Variants in NAALADL2 observed in about 807,000 individuals in gnomAD.
NAALADL2 encodes the protein inactive N-acetylated-alpha-linked acidic dipeptidase-like protein 2.
Under a neutral mutation model 87.2 loss-of-function variants are expected in NAALADL2, and 76 were observed. The observed-to-expected ratio is 0.87, with a 90% confidence interval of 0.72 to 1.05. The LOEUF is 1.05. NAALADL2 is among the 50% of genes least tolerant of loss of function. The pLI, the probability that NAALADL2 is intolerant of heterozygous loss-of-function variation, is 0.00. For synonymous variants in NAALADL2, 354 were observed against 331.0 expected (o/e 1.07, Z -0.75); for missense variants, 1,089 against 945.8 (o/e 1.15, Z -1.99).
intron 11 of NAALADL2, among the ~76,000 whole-genome samples, chr3:175,724,620 T>G (rs1208528140): frequency 6.6e-6 from 1 of 152,136 alleles, no homozygotes. Flanking sequence ...TAAGGGTCAC[T>G]TATATTTTGA....
chr3:175,712,461 G>A (rs1487148650), intron 11 of NAALADL2, among the ~76,000 whole-genome samples: 6 of 152,158 alleles, frequency 3.9e-5, no homozygotes, highest in Admixed American at 2.0e-4. Flanking sequence ...AAAAGAACAG[G>A]TGAGGAGAGG....
At chr3:175,619,187 A>G (rs776508600) in intron 10 of NAALADL2, among the ~76,000 whole-genome samples, 7 of 151,804 alleles carry the variant, frequency 4.6e-5, no homozygotes, top group Non-Finnish European at 2.9e-5. Context: ...GAAGCTGTTG[A>G]ACCAGATTCT....
chr3:174,717,985 C>T lies in NAALADL2; in HGVS notation c.-114-19656C>T, dbSNP rs531728617. Among the ~76,000 whole-genome samples the T allele has an allele frequency of 2.0e-3, 304 of 152,058 alleles. 2 individuals carry two copies. Among genetic ancestry groups the T allele is most frequent in the Non-Finnish European group, 3.2e-3 (215 of 67,984 alleles). On this transcript the variant is annotated intron_variant, in intron 2 of 3. Coordinates refer to the NAALADL2 transcript ENST00000434257. Reference sequence around the variant, plus strand: ...CTCCTAAAAATACAAAAAAACTTGTCGGGCGTGTTGGGAGGCGCCTGTAAT... The same window carrying T: ...CTCCTAAAAATACAAAAAAACTTGTTGGGCGTGTTGGGAGGCGCCTGTAAT...
chr3:175,565,135 T>G (rs1472722464), intron 9 of NAALADL2, among the ~76,000 whole-genome samples: 1 of 152,200 alleles, frequency 6.6e-6, no homozygotes, highest in Admixed American at 6.5e-5. Context: ...GGAAAAATCT[T>G]TAGGCCAGCA....
chr3:175,665,107 A>G (rs1732774276), intron 11 of NAALADL2, among the ~76,000 whole-genome samples: 1 of 145,136 alleles, frequency 6.9e-6, no homozygotes, highest in Non-Finnish European at 1.5e-5. Context: ...ACACCTGCCC[A>G]GACAGACACA....
At chr3:175,551,039 A>T (rs2149490404) in intron 9 of NAALADL2, among the ~76,000 whole-genome samples, 1 of 152,208 alleles carries the variant, frequency 6.6e-6, no homozygotes, top group East Asian at 1.9e-4. Context: ...ATCAAAATCC[A>T]TTTGGAGTTT....
At chr3:174,955,627 A>C (rs933752906) in intron 1 of NAALADL2, among the ~76,000 whole-genome samples, 3 of 152,122 alleles carry the variant, frequency 2.0e-5, no homozygotes, top group African/African-American at 7.2e-5. Flanking sequence ...AAAGGATTAA[A>C]TAGTATTAAA....
chr3:175,300,256 T>A (rs1045745247), intron 4 of NAALADL2, among the ~76,000 whole-genome samples: 1 of 152,132 alleles, frequency 6.6e-6, no homozygotes, highest in African/African-American at 2.4e-5. Flanking sequence ...TTCTTTTTTG[T>A]TGTTGTGTCT....
Position 175,366,451 on chromosome 3 carries a change from T to C in NAALADL2, c.1090+42126T>C, listed in dbSNP as rs1466828214. On this transcript the variant is annotated intron_variant, in intron 5 of 13. Coordinates refer to ENST00000454872, the MANE Select transcript of NAALADL2 (RefSeq NM_207015.3). ...ATCGCCACACTGACTTCCACAACGG[T>C]TGAACTAGTTTACAGTCCCACCAAC... Among the ~76,000 whole-genome samples the C allele has an allele frequency of 5.9e-5, 9 of 151,730 alleles. No individual in the cohort carries two copies. In the East Asian group the frequency reaches 1.8e-3, roughly 30 times the overall value.
intron 1 of NAALADL2, among the ~76,000 whole-genome samples, chr3:174,996,496 CA>C (rs544719815): frequency 0.056 from 7,581 of 134,638 alleles, 246 homozygotes; most frequent in Non-Finnish European, 0.089. Flanking sequence ...GACTCTGTCT[CA>C]AAAAAAAAAA....
At chr3:175,233,021 C>T (rs1292930145) in intron 2 of NAALADL2, among the ~76,000 whole-genome samples, 1 of 152,020 alleles carries the variant, frequency 6.6e-6, no homozygotes, top group Non-Finnish European at 1.5e-5. Flanking sequence ...AAGCAAAAAT[C>T]GTGTCATTGG....
chr3:175,613,370 G>A lies in NAALADL2; in HGVS notation c.1801-13921G>A, dbSNP rs1025697881. The stretch of plus-strand genomic sequence containing the variant: ...TGTTCTGTCTTAAAAATTGAAATAC[G>A]ATAAAGTAGTGCATAGACTTAAAAT... On this transcript the variant is annotated intron_variant, in intron 10 of 13. Coordinates refer to ENST00000454872, the MANE Select transcript of NAALADL2 (RefSeq NM_207015.3). Among the ~76,000 whole-genome samples, 74 of 152,126 alleles carry A rather than the reference G, an allele frequency of 4.9e-4. 1 individual carries two copies. Among genetic ancestry groups the A allele is most frequent in the African/African-American group, 2.4e-4 (10 of 41,424 alleles).
At chr3:175,014,099 AACAC>A (rs1244966684) in intron 1 of NAALADL2, among the ~76,000 whole-genome samples, 1 of 152,110 alleles carries the variant, frequency 6.6e-6, no homozygotes, top group Non-Finnish European at 1.5e-5. Context: ...CATGATTACA[AACAC>A]ACACACAAAC....
At chr3:175,636,646 C>G (rs1356425480) in intron 11 of NAALADL2, among the ~76,000 whole-genome samples, 4 of 143,390 alleles carry the variant, frequency 2.8e-5, no homozygotes, top group Admixed American at 7.3e-5. Flanking sequence ...TGCAGTGAGC[C>G]AAGATTGCAC....
Position 175,679,928 on chromosome 3 carries a change from T to C in NAALADL2, c.1896+52542T>C, listed in dbSNP as rs182404554. On this transcript the variant is annotated intron_variant, in intron 11 of 13. Coordinates refer to ENST00000454872, the MANE Select transcript of NAALADL2 (RefSeq NM_207015.3). ...AAGATGGTACAGTATAGAATCAACTTGATAGGAAAAAGAAGGTGAGAAAAA... is the reference window on the plus strand; with the variant it reads ...AAGATGGTACAGTATAGAATCAACTCGATAGGAAAAAGAAGGTGAGAAAAA... Among the ~76,000 whole-genome samples, 243 of 152,044 alleles carry C rather than the reference T, an allele frequency of 1.6e-3. 1 individual carries two copies. Among genetic ancestry groups the C allele is most frequent in the African/African-American group, 5.5e-3 (227 of 41,420 alleles).
intron 3 of NAALADL2, among the ~76,000 whole-genome samples, chr3:174,845,261 T>C (rs919297281): frequency 2.0e-5 from 3 of 152,138 alleles, no homozygotes; most frequent in Non-Finnish European, 4.4e-5. Flanking sequence ...AATGAGAGCC[T>C]GGCAGCTGTG....
rs74271142 is a variant in NAALADL2 at position 174,648,339 on chromosome 3, G to GAA, written c.-114-89290_-114-89289dup. On this transcript the variant is annotated intron_variant, in intron 2 of 3. Transcript: ENST00000434257. ...ACTCTGCCTCAACAACCACCAAAAA[G>GAA]AAAAAAAAAAAAACAAACCTTTGTC... Among the ~76,000 whole-genome samples, 283 of 131,966 alleles carry GAA rather than the reference G, an allele frequency of 2.1e-3. 1 individual carries two copies. The highest frequency in any genetic ancestry group is 3.4e-3 in the Non-Finnish European group (205 of 61,100). 86.6% of individuals were successfully genotyped at this position (131,966 alleles called of 152,430 possible).
At chr3:175,645,976 T>C (rs1467167206) in intron 11 of NAALADL2, among the ~76,000 whole-genome samples, 1 of 152,118 alleles carries the variant, frequency 6.6e-6, no homozygotes, top group Non-Finnish European at 1.5e-5. Flanking sequence ...AGTGATTAGA[T>C]TAAAACAGTA....
At chr3:174,850,818 C>T (rs1018135856) in intron 3 of NAALADL2, among the ~76,000 whole-genome samples, 3 of 152,010 alleles carry the variant, frequency 2.0e-5, no homozygotes, top group African/African-American at 7.2e-5. Context: ...ACATTCTTCT[C>T]CTAAGCACAT....
Sources: gnomAD v4.1 joint callset for allele counts (sites outside exome capture counted in the v4.1 genomes callset) on GRCh38, gnomAD v4.1.1 for gene constraint, MANE v1.5 for transcripts, NCBI Gene and HGNC (gene_info 2026-07-23, HGNC 2026-07-21) for gene names.